KIF13A: variants seen among roughly 807,000 people sequenced by gnomAD.
KIF13A encodes the protein kinesin-like protein KIF13A.
A neutral mutation model predicts 212.2 loss-of-function variants in KIF13A; 79 were observed. That is an observed-to-expected ratio of 0.37 (90% CI 0.31 to 0.45). The LOEUF (loss-of-function observed/expected upper bound fraction) is 0.45, where lower values mean the gene tolerates loss of function less well. Among genes scored for constraint, KIF13A ranks in the 20% least tolerant of loss-of-function variants. The pLI is 1.00. For synonymous variants in KIF13A, 789 were observed against 808.6 expected (o/e 0.98, Z 0.41); for missense variants, 1,901 against 2,209.0 (o/e 0.86, Z 2.79).
At chr6:17,904,458 A>G (rs1003262376) in intron 2 of KIF13A, among the ~76,000 whole-genome samples, 1 of 152,226 alleles carries the variant, frequency 6.6e-6, no homozygotes, top group Non-Finnish European at 1.5e-5. Context: ...ACAGAGTGAG[A>G]CTGTGACTTA....
In KIF13A at chr6:17,837,704, C is replaced by A; in HGVS notation, c.831-121G>T. 1 of 693,572 alleles carries A rather than the reference C, an allele frequency of 1.4e-6. No homozygotes were observed. The allele number at this position is 693,572 out of a possible 1,614,324, so 43.0% of individuals were successfully genotyped here. ...TGGTGGCTCACGCCCGTAATCCCAG[C>A]ACTTTGGGAGGCCAAGGTGGATGAA... On this transcript the variant is annotated intron_variant, in intron 9 of 38. Coordinates refer to ENST00000259711, the MANE Select transcript of KIF13A (RefSeq NM_022113.6). This position sits in a 1 kb window ranked among gnomAD's most constrained non-coding sequence, Gnocchi z 5.4.
Position 17,987,199 on chromosome 6 carries a change from G to T in KIF13A, c.56-55C>A. 1 of 1,395,028 alleles carries T rather than the reference G, an allele frequency of 7.2e-7. No individual in the cohort carries two copies. Among genetic ancestry groups the T allele is most frequent in the South Asian group, 1.3e-5 (1 of 77,272 alleles). The allele number at this position is 1,395,028 out of a possible 1,614,324, so 86.4% of individuals were successfully genotyped here. ...AGTCCAGCATCCGCGCCTCCAGCCC[G>T]CCCGCCCGCCAGCCGCGCCGAGCGG... On this transcript the variant is annotated intron_variant, in intron 1 of 38. Coordinates refer to ENST00000259711, the MANE Select transcript of KIF13A (RefSeq NM_022113.6). This position sits in a 1 kb window ranked among gnomAD's most constrained non-coding sequence, Gnocchi z 7.7.
chr6:17,949,083 G>A (rs1351268576), intron 2 of KIF13A, among the ~76,000 whole-genome samples: 3 of 152,146 alleles, frequency 2.0e-5, no homozygotes, highest in South Asian at 2.1e-4. Flanking sequence ...CAGATGAGAG[G>A]GGAATGTACA....
At chr6:17,923,922 G>A (rs573399772) in intron 2 of KIF13A, among the ~76,000 whole-genome samples, 5 of 152,126 alleles carry the variant, frequency 3.3e-5, no homozygotes, top group Non-Finnish European at 7.4e-5. Flanking sequence ...GTATTTACAT[G>A]ATCAGCCCTC....
At chr6:17,941,309 C>T (rs1203339185) in intron 2 of KIF13A, among the ~76,000 whole-genome samples, 1 of 152,068 alleles carries the variant, frequency 6.6e-6, no homozygotes, top group Non-Finnish European at 1.5e-5. Context: ...CAAGGTTTTT[C>T]AAATCTCAAA....
intron 3 of KIF13A, among the ~76,000 whole-genome samples, chr6:17,875,677 A>C (rs1257734084): frequency 2.6e-5 from 4 of 151,660 alleles, no homozygotes; most frequent in African/African-American, 7.3e-5. Flanking sequence ...GTGGACTCAA[A>C]CTCCTGACCT....
chr6:17,927,365 C>T lies in KIF13A; in HGVS notation c.147-29185G>A, dbSNP rs143150434. 9.4e-3 allele frequency among the ~76,000 whole-genome samples: 1,428 copies of T among 152,244 alleles called. 93 individuals are homozygous for T. Among genetic ancestry groups the T allele is most frequent in the Admixed American group, 0.083 (1,262 of 15,290 alleles). On this transcript the variant is annotated intron_variant, in intron 2 of 38. Coordinates refer to ENST00000259711, the MANE Select transcript of KIF13A (RefSeq NM_022113.6). ...AGGAAGGGAAGTCTGATACATGCTACAACATGGATGAACATTATGCTAAGT... is the reference window on the plus strand; with the variant it reads ...AGGAAGGGAAGTCTGATACATGCTATAACATGGATGAACATTATGCTAAGT...
At chr6:17,925,269 T>C (rs1346180228) in intron 2 of KIF13A, among the ~76,000 whole-genome samples, 1 of 152,136 alleles carries the variant, frequency 6.6e-6, no homozygotes, top group African/African-American at 2.4e-5. Flanking sequence ...TGATCTGAGG[T>C]GTGCAGGTGA....
At chr6:17,847,807 CTAT>C (rs555293356) in intron 9 of KIF13A, among the ~76,000 whole-genome samples, 2 of 151,944 alleles carry the variant, frequency 1.3e-5, no homozygotes, top group East Asian at 1.9e-4. Context: ...GAAGTAGGTA[CTAT>C]TATTATTATT....
intron 2 of KIF13A, among the ~76,000 whole-genome samples, chr6:17,956,651 G>C (rs1370108862): frequency 6.6e-6 from 1 of 152,154 alleles, no homozygotes. Flanking sequence ...TAATGTTGGG[G>C]TGCTTTAGGT....
chr6:17,936,776 TAATG>T (rs1776506251), intron 2 of KIF13A, among the ~76,000 whole-genome samples: 2 of 152,288 alleles, frequency 1.3e-5, no homozygotes, highest in South Asian at 4.1e-4. Flanking sequence ...CAAAAAAATG[TAATG>T]AATGATGAAA....
intron 2 of KIF13A, among the ~76,000 whole-genome samples, chr6:17,954,369 G>A (rs1382605965): frequency 6.6e-6 from 1 of 151,466 alleles, no homozygotes; most frequent in Non-Finnish European, 1.5e-5. Flanking sequence ...TATAGCTCAA[G>A]GACCACATCT....
chr6:17,845,212 G>A (rs1019381709), intron 9 of KIF13A, among the ~76,000 whole-genome samples: 9 of 152,086 alleles, frequency 5.9e-5, no homozygotes, highest in Admixed American at 3.9e-4. Flanking sequence ...GAGGGAAACC[G>A]CTCCCATGAT....
At chr6:17,853,398 G>C (rs1032333775) in intron 6 of KIF13A, among the ~76,000 whole-genome samples, 2 of 152,096 alleles carry the variant, frequency 1.3e-5, no homozygotes, top group African/African-American at 4.8e-5. Flanking sequence ...CTGCTGGTGG[G>C]GGTGGAAATT....
intron 3 of KIF13A, among the ~76,000 whole-genome samples, chr6:17,896,606 C>T (rs909590573): frequency 3.3e-5 from 5 of 152,034 alleles, no homozygotes; most frequent in Admixed American, 1.3e-4. Flanking sequence ...TGTGATTCAG[C>T]GTTAATTTTA....
At chr6:17,867,501 T>C (rs1221202342) in intron 4 of KIF13A, among the ~76,000 whole-genome samples, 4 of 152,238 alleles carry the variant, frequency 2.6e-5, no homozygotes, top group Non-Finnish European at 5.9e-5. Context: ...GTTTCCTCTG[T>C]GCAAGGCACT....
chr6:17,954,062 G>C (rs941610931), intron 2 of KIF13A: 1 of 152,232 alleles, frequency 6.6e-6, no homozygotes, highest in Non-Finnish European at 1.5e-5. Flanking sequence ...CACTTTGGGA[G>C]GCCGAGGCAG....
intron 16 of KIF13A, among the ~76,000 whole-genome samples, chr6:17,819,526 C>T (rs1442279032): frequency 6.6e-6 from 1 of 152,034 alleles, no homozygotes; most frequent in Admixed American, 6.6e-5. Context: ...CGTGCCACTG[C>T]ACTCCAGCCT....
At chr6:17,778,564 A>G (rs1015048130) in intron 33 of KIF13A, among the ~76,000 whole-genome samples, 1 of 152,188 alleles carries the variant, frequency 6.6e-6, no homozygotes, top group Admixed American at 6.5e-5. Flanking sequence ...TTTGGAGTCA[A>G]GCTACTTGGC....
Sources: allele counts gnomAD v4.1 joint callset (sites outside exome capture counted in the v4.1 genomes callset), GRCh38; gene constraint gnomAD v4.1.1; non-coding constraint Gnocchi (gnomAD v3.1); transcripts MANE v1.5; gene names NCBI Gene and HGNC (gene_info 2026-07-23, HGNC 2026-07-21).